Variants in ESF1 observed in about 807,000 individuals in gnomAD.
ESF1 encodes the protein ESF1 nucleolar pre-rRNA processing protein.
ESF1 carries 58 observed loss-of-function variants against 92.0 expected under a neutral mutation model. The observed-to-expected ratio is 0.63, with a 90% CI of 0.51 to 0.78. The LOEUF is 0.78. Ranked by LOEUF, ESF1 falls within the 30% of genes least tolerant of loss-of-function variation. The pLI, the probability that ESF1 is intolerant of heterozygous loss-of-function variation, is 0.00. For synonymous variants in ESF1, 321 were observed against 313.7 expected (o/e 1.02, Z -0.24); for missense variants, 922 against 989.1 (o/e 0.93, Z 0.91).
At chr20:13,749,778 T>C (rs1056088067) in intron 9 of ESF1, among the ~76,000 whole-genome samples, 1 of 151,868 alleles carries the variant, frequency 6.6e-6, no homozygotes, top group African/African-American at 2.4e-5. Flanking sequence ...TGTTGGCCAG[T>C]CTGGTCTCTA....
At chr20:13,758,535 C>G (rs1387180022) in intron 9 of ESF1, among the ~76,000 whole-genome samples, 1 of 152,166 alleles carries the variant, frequency 6.6e-6, no homozygotes, top group Non-Finnish European at 1.5e-5. Flanking sequence ...TCAAAATACC[C>G]TATTTTTTTC....
chr20:13,744,512 C>T (rs1470445724), intron 9 of ESF1, among the ~76,000 whole-genome samples: 1 of 152,198 alleles, frequency 6.6e-6, no homozygotes, highest in African/African-American at 2.4e-5. Flanking sequence ...AGCTAAAGTC[C>T]ACCCAGAGAT....
intron 4 of ESF1, among the ~76,000 whole-genome samples, 197 bp downstream of exon 4, chr20:13,774,960 T>C (rs944978289): frequency 6.6e-6 from 1 of 152,120 alleles, no homozygotes; most frequent in African/African-American, 2.4e-5. Context: ...AACAATCATA[T>C]AACCTATCAA....
intron 8 of ESF1, chr20:13,762,722 AAT>A (rs1451324985): frequency 3.3e-6 from 1 of 304,792 alleles, no homozygotes; most frequent in Non-Finnish European, 6.2e-6. Flanking sequence ...AAGGCATTTG[AAT>A]ATGCTGATGT....
At chr20:13,753,383 C>T (rs1978727644) in intron 9 of ESF1, among the ~76,000 whole-genome samples, 1 of 150,424 alleles carries the variant, frequency 6.6e-6, no homozygotes, top group South Asian at 2.1e-4. Context: ...AATTCCCATC[C>T]ACTGGCTGGC....
At chr20:13,747,534 C>T (rs1033982700) in intron 9 of ESF1, among the ~76,000 whole-genome samples, 1 of 150,526 alleles carries the variant, frequency 6.6e-6, no homozygotes, top group African/African-American at 2.5e-5. Flanking sequence ...CACTGCACTG[C>T]AGCCTGCCGA....
chr20:13,763,591 T>C (rs1416321193), intron 8 of ESF1, among the ~76,000 whole-genome samples: 1 of 152,020 alleles, frequency 6.6e-6, no homozygotes, highest in East Asian at 1.9e-4. Flanking sequence ...GGCATACAAA[T>C]AAAAAAGAAA....
At chr20:13,715,396 T>C (rs1050752078) in intron 13 of ESF1, among the ~76,000 whole-genome samples, 8 of 152,152 alleles carry the variant, frequency 5.3e-5, no homozygotes, top group African/African-American at 1.9e-4. Context: ...GGACAATGTA[T>C]TTCAAAGGGA....
intron 9 of ESF1, among the ~76,000 whole-genome samples, chr20:13,736,845 A>G (rs1434964982): frequency 1.3e-5 from 2 of 152,214 alleles, no homozygotes; most frequent in African/African-American, 4.8e-5. Context: ...AGTTTAATAC[A>G]GTCTGTAATT....
chr20:13,722,700 A>C (rs1005903247), intron 11 of ESF1, among the ~76,000 whole-genome samples: 1 of 142,168 alleles, frequency 7.0e-6, no homozygotes, highest in Non-Finnish European at 1.6e-5. Context: ...TTTTTTTTTT[A>C]AATTAGCCAG....
chr20:13,734,150 T>G (rs1330049772), intron 9 of ESF1, among the ~76,000 whole-genome samples: 1 of 152,216 alleles, frequency 6.6e-6, no homozygotes, highest in African/African-American at 2.4e-5. Flanking sequence ...AGGCTCAGCC[T>G]TCATTTCTCT....
chr20:13,772,266 T>C (rs1979723184), intron 5 of ESF1, among the ~76,000 whole-genome samples: 1 of 151,866 alleles, frequency 6.6e-6, no homozygotes, highest in Non-Finnish European at 1.5e-5. Flanking sequence ...CAAATCAGTT[T>C]AATCATGAAA....
At chr20:13,759,147 G>A (rs1979039372) in intron 9 of ESF1, among the ~76,000 whole-genome samples, 1 of 152,160 alleles carries the variant, frequency 6.6e-6, no homozygotes, top group South Asian at 2.1e-4. Context: ...GGCAACTGCT[G>A]TTTACTACAG....
intron 9 of ESF1, among the ~76,000 whole-genome samples, chr20:13,754,983 T>C (rs1021044375): frequency 1.3e-5 from 2 of 152,242 alleles, no homozygotes; most frequent in Non-Finnish European, 2.9e-5. Context: ...ACAGTCTTCC[T>C]GGGCCAGGCT....
At chr20:13,720,349 T>TACC (rs1226298496) in intron 11 of ESF1, among the ~76,000 whole-genome samples, 8 of 152,118 alleles carry the variant, frequency 5.3e-5, no homozygotes, top group African/African-American at 1.9e-4. Flanking sequence ...CTGGGCACTG[T>TACC]ACCACCCTCA....
intron 2 of ESF1, among the ~76,000 whole-genome samples, chr20:13,778,537 G>C (rs550506509): frequency 1.3e-5 from 2 of 152,062 alleles, no homozygotes; most frequent in East Asian, 1.9e-4. Context: ...AGAAGTGATA[G>C]GGTAATTACA....
intron 9 of ESF1, among the ~76,000 whole-genome samples, chr20:13,748,061 T>C (rs1281587798): frequency 2.6e-5 from 4 of 152,254 alleles, no homozygotes; most frequent in African/African-American, 9.6e-5. Context: ...TCAGCTGCAC[T>C]ATAACTCTTA....
At chr20:13,780,655 A>T (rs1980141844) in intron 2 of ESF1, among the ~76,000 whole-genome samples, 1 of 152,086 alleles carries the variant, frequency 6.6e-6, no homozygotes, top group Admixed American at 6.5e-5. Context: ...TGGGCTATCA[A>T]GACCTCTTGG....
chr20:13,748,590 ATAT>A (rs1568718506), intron 9 of ESF1, among the ~76,000 whole-genome samples: 43 of 90,608 alleles, frequency 4.7e-4, no homozygotes, highest in African/African-American at 1.7e-3. Flanking sequence ...ATATATATAT[ATAT>A]TTTTTTTTTT....
Sources: allele counts gnomAD v4.1 joint callset (sites outside exome capture counted in the v4.1 genomes callset), GRCh38; gene constraint gnomAD v4.1.1; transcripts MANE v1.5; gene names NCBI Gene and HGNC (gene_info 2026-07-23, HGNC 2026-07-21).